Variants in IL1RAPL1 observed in about 807,000 individuals in gnomAD.
IL1RAPL1 encodes interleukin 1 receptor accessory protein like 1, also known as interleukin-1 receptor accessory protein-like 1.
IL1RAPL1 carries 3 observed loss-of-function variants against 48.4 expected under a neutral mutation model. That is an observed-to-expected ratio of 0.06 (90% CI 0.03 to 0.16). The LOEUF is 0.16. Ranked by LOEUF, IL1RAPL1 falls within the 10% of genes least tolerant of loss-of-function variation. IL1RAPL1 has a pLI of 1.00. For synonymous variants in IL1RAPL1, 185 were observed against 187.7 expected, an observed-to-expected ratio of 0.99 and a Z score of 0.12; for missense variants, 349 against 530.6, an observed-to-expected ratio of 0.66 and a Z score of 3.36.
chrX:29,237,955 G>A (rs930364455), intron 2 of IL1RAPL1, among the ~76,000 whole-genome samples: 3 of 112,516 alleles, frequency 2.7e-5, no homozygotes, highest in Non-Finnish European at 3.7e-5. Context: ...AATTATCTGC[G>A]TGTTGGCACA....
rs7051575 is a variant in IL1RAPL1, at chrX:29,226,078, G to T, written c.83-56860G>T. Among the ~76,000 whole-genome samples the T allele has an allele frequency of 3.5e-3, 393 of 111,769 alleles. 3 individuals are homozygous for T. Among genetic ancestry groups the T allele is most frequent in the African/African-American group, 0.012 (358 of 30,775 alleles). ...TCTGCACTGTTACACTGATAGGAAA[G>T]ATTCCATATTGATGATTCATGTTAA... is the stretch of plus-strand genomic sequence containing the variant. On this transcript the variant is annotated intron_variant, in intron 2 of 10. Transcript: ENST00000378993.
At chrX:29,450,177 T>C (rs1934662772) in intron 5 of IL1RAPL1, among the ~76,000 whole-genome samples, 1 of 111,901 alleles carries the variant, frequency 8.9e-6, no homozygotes, top group Non-Finnish European at 1.9e-5. Flanking sequence ...GATTATCAAG[T>C]AGGGACATTT....
intron 6 of IL1RAPL1, among the ~76,000 whole-genome samples, chrX:29,679,022 C>T (rs906406012): frequency 9.0e-6 from 1 of 111,651 alleles, no homozygotes; most frequent in African/African-American, 3.3e-5. Flanking sequence ...AGAGTACCCA[C>T]CTTGGACTTG....
intron 5 of IL1RAPL1, among the ~76,000 whole-genome samples, chrX:29,402,166 A>C (rs1934002431): frequency 9.0e-6 from 1 of 111,621 alleles, no homozygotes; most frequent in Non-Finnish European, 1.9e-5. Flanking sequence ...ATGTTACGGC[A>C]CCATCTCTAG....
At chrX:29,477,474 A>T (rs1447138544) in intron 5 of IL1RAPL1, among the ~76,000 whole-genome samples, 2 of 111,955 alleles carry the variant, frequency 1.8e-5, no homozygotes, top group African/African-American at 6.5e-5. Context: ...CCTCGTAAGC[A>T]CACTCCATCT....
intron 6 of IL1RAPL1, among the ~76,000 whole-genome samples, chrX:29,804,846 T>C: frequency 8.9e-6 from 1 of 112,277 alleles, no homozygotes; most frequent in Non-Finnish European, 1.9e-5. Flanking sequence ...CAACATGAAC[T>C]GGATTCATCA....
At chrX:29,803,188 T>TACGTATAC (rs1930081248) in intron 6 of IL1RAPL1, among the ~76,000 whole-genome samples, 1 of 28,658 alleles carries the variant, frequency 3.5e-5, no homozygotes, top group Admixed American at 3.1e-4. Flanking sequence ...TATATGTATA[T>TACGTATAC]ATGTATACAT....
At chrX:29,883,970 A>G (rs759064358) in intron 6 of IL1RAPL1, among the ~76,000 whole-genome samples, 10 of 112,217 alleles carry the variant, frequency 8.9e-5, no homozygotes, top group Non-Finnish European at 1.7e-4. Flanking sequence ...GATGGCTCAC[A>G]GGGTTGAGAG....
intron 2 of IL1RAPL1, among the ~76,000 whole-genome samples, chrX:29,270,186 C>A (rs182086798): frequency 9.0e-6 from 1 of 111,566 alleles, no homozygotes; most frequent in Non-Finnish European, 1.9e-5. Context: ...CAATTTGGAG[C>A]TACTCTGAAT....
chrX:29,446,553 A>G (rs1220683548), intron 5 of IL1RAPL1, among the ~76,000 whole-genome samples: 1 of 111,814 alleles, frequency 8.9e-6, no homozygotes, highest in Admixed American at 9.6e-5. Context: ...TAAACCATAT[A>G]TGGCCAATAC....
At chrX:28,690,529 C>G (rs184866732) in intron 1 of IL1RAPL1, among the ~76,000 whole-genome samples, 53 of 111,441 alleles carry the variant, frequency 4.8e-4, no homozygotes, top group African/African-American at 1.7e-3. Context: ...GCTGTACTGC[C>G]TATTTACATC....
chrX:29,815,498 C>G (rs1930472385), intron 6 of IL1RAPL1, among the ~76,000 whole-genome samples: 1 of 111,200 alleles, frequency 9.0e-6, no homozygotes, highest in African/African-American at 3.3e-5. Context: ...CTAGGGTTTT[C>G]TGGGTATAGA....
At chrX:29,725,719 A>G (rs1056046492) in intron 6 of IL1RAPL1, among the ~76,000 whole-genome samples, 1 of 112,054 alleles carries the variant, frequency 8.9e-6, no homozygotes, top group Non-Finnish European at 1.9e-5. Context: ...GTGTGTGTGT[A>G]TGAGTGTGTA....
At chrX:29,319,160 G>GTCTGTCTGTCTGTCTGTCTGTCTGTCTA (rs370282992) in intron 3 of IL1RAPL1, among the ~76,000 whole-genome samples, 4 of 84,986 alleles carry the variant, frequency 4.7e-5, no homozygotes, top group African/African-American at 1.8e-4. Flanking sequence ...CTATCTGTCT[G>GTCTGTCTGTCTGTCTGTCTGTCTGTCTA]TCTATCTATC....
intron 2 of IL1RAPL1, among the ~76,000 whole-genome samples, chrX:29,267,365 A>G (rs1210919496): frequency 8.9e-6 from 1 of 112,232 alleles, no homozygotes. Flanking sequence ...ATATAAAAAC[A>G]TACCTTTGAT....
In IL1RAPL1 at chrX:29,863,413, G is replaced by T. The variant is rs186896400; in HGVS notation, c.779-54051G>T. ...CCTCTTTTCCTGTCTTACTGTCTTG[G>T]ACTACAGGCCAGGAGTAAATTGCAA... is the stretch of plus-strand genomic sequence containing the variant. On this transcript the variant is annotated intron_variant, in intron 6 of 10. Transcript: ENST00000378993. 5.4e-5 allele frequency among the ~76,000 whole-genome samples: 6 copies of T among 111,162 alleles called. No homozygotes were observed. In the East Asian group the frequency reaches 1.7e-3, roughly 32 times the overall value.
chrX:29,314,866 G>A (rs1252312934), intron 3 of IL1RAPL1, among the ~76,000 whole-genome samples: 1 of 111,953 alleles, frequency 8.9e-6, no homozygotes, highest in Non-Finnish European at 1.9e-5. Flanking sequence ...AATATTATAT[G>A]CCATGTTCTT....
intron 6 of IL1RAPL1, among the ~76,000 whole-genome samples, chrX:29,711,091 G>GT (rs2147120726): frequency 5.9e-5 from 1 of 16,935 alleles, no homozygotes; most frequent in South Asian, 3.0e-3. Context: ...CACACACACA[G>GT]ATATATATTT....
rs190457306 is a variant in IL1RAPL1, at chrX:29,206,147, G to C, written c.83-76791G>C. Among the ~76,000 whole-genome samples, 467 of 111,601 alleles carry C rather than the reference G, an allele frequency of 4.2e-3. 2 individuals carry two copies. The highest frequency in any genetic ancestry group is 7.0e-3 in the Non-Finnish European group (373 of 53,156). On this transcript the variant is annotated intron_variant, in intron 2 of 10. Coordinates refer to ENST00000378993, the MANE Select transcript of IL1RAPL1 (RefSeq NM_014271.4). ...ATCATTAACTTATTTGAAAACTCTTGAAAATAAGAGATTTCAGTTTTTATT... is the reference window on the plus strand; with the variant it reads ...ATCATTAACTTATTTGAAAACTCTTCAAAATAAGAGATTTCAGTTTTTATT...
Sources: allele counts gnomAD v4.1 joint callset (sites outside exome capture counted in the v4.1 genomes callset), GRCh38; gene constraint gnomAD v4.1.1; transcripts MANE v1.5; gene names NCBI Gene and HGNC (gene_info 2026-07-23, HGNC 2026-07-21).